MNAT1: variants seen among roughly 807,000 people sequenced by gnomAD.
MNAT1 encodes MNAT1 component of CDK activating kinase, also known as CDK-activating kinase assembly factor MAT1.
In MNAT1, 43 loss-of-function variants were observed where a neutral mutation model predicts 42.0. The ratio of observed to expected loss-of-function variants is 1.02; its 90% CI spans 0.80 to 1.32. The LOEUF (loss-of-function observed/expected upper bound fraction) is 1.32. Ranked by LOEUF, MNAT1 falls within the 40% of genes most tolerant of loss-of-function variation. The pLI is 0.00. For synonymous variants in MNAT1, 118 were observed against 120.0 expected, an observed-to-expected ratio of 0.98 and a Z score of 0.11; for missense variants, 306 against 350.4, an observed-to-expected ratio of 0.87 and a Z score of 1.01.
At chr14:60,814,327 T>G (rs2139357090) in intron 5 of MNAT1, among the ~76,000 whole-genome samples, 1 of 152,302 alleles carries the variant, frequency 6.6e-6, no homozygotes, top group East Asian at 1.9e-4. Flanking sequence ...ATGAAGTGTT[T>G]CATGGATTTA....
intron 1 of MNAT1, among the ~76,000 whole-genome samples, chr14:60,774,882 G>T (rs1227145047): frequency 6.6e-6 from 1 of 152,110 alleles, no homozygotes; most frequent in Non-Finnish European, 1.5e-5. Flanking sequence ...CAAGTATTCT[G>T]CTTTGGACTT....
At chr14:60,799,200 A>G (rs546119050) in intron 3 of MNAT1, 455 of 965,296 alleles carry the variant, frequency 4.7e-4, no homozygotes, top group Non-Finnish European at 5.4e-4. Flanking sequence ...TTTCAGTGCC[A>G]TAAGAGCCAC....
rs150981619 is a variant in MNAT1, at chr14:60,873,801, A to G, written c.688-5913A>G. Reference sequence around the variant, plus strand: ...GCAGATTTTAAAAATAGTTTAGAGCATAATGATCATGTACTTAACATTTTA... The same window carrying G: ...GCAGATTTTAAAAATAGTTTAGAGCGTAATGATCATGTACTTAACATTTTA... On this transcript the variant is annotated intron_variant, in intron 6 of 7. Coordinates refer to ENST00000261245, the MANE Select transcript of MNAT1 (RefSeq NM_002431.4). 3.6e-3 allele frequency among the ~76,000 whole-genome samples: 548 copies of G among 152,284 alleles called. 5 individuals carry two copies. The highest frequency in any genetic ancestry group is 0.012 in the African/African-American group (505 of 41,560).
intron 7 of MNAT1, among the ~76,000 whole-genome samples, chr14:60,929,786 T>G (rs1425876574): frequency 6.6e-6 from 1 of 152,174 alleles, no homozygotes; most frequent in Non-Finnish European, 1.5e-5. Context: ...AAGAAAATTA[T>G]GAGGAAACAT....
chr14:60,836,427 A>G (rs575556924), intron 6 of MNAT1, among the ~76,000 whole-genome samples: 2 of 152,134 alleles, frequency 1.3e-5, no homozygotes, highest in African/African-American at 4.8e-5. Context: ...TTTTGTGTGG[A>G]CATCCTTTTT....
chr14:60,870,556 C>T (rs1313291739), intron 6 of MNAT1, among the ~76,000 whole-genome samples: 1 of 152,078 alleles, frequency 6.6e-6, no homozygotes, highest in Non-Finnish European at 1.5e-5. Flanking sequence ...TATATATTCC[C>T]CCACACCCAT....
At chr14:60,924,500 T>C (rs959686703) in intron 7 of MNAT1, among the ~76,000 whole-genome samples, 2 of 151,956 alleles carry the variant, frequency 1.3e-5, no homozygotes, top group African/African-American at 4.8e-5. Context: ...AAAAATAAAT[T>C]GAGACAGTGG....
chr14:60,780,429 T>G (rs1234670832), intron 1 of MNAT1: 9 of 1,556,454 alleles, frequency 5.8e-6, no homozygotes, highest in African/African-American at 2.7e-5. Context: ...TCTTGTTCAT[T>G]TGATCTGCTG....
chr14:60,833,423 C>T (rs952364650), intron 6 of MNAT1, among the ~76,000 whole-genome samples: 1 of 152,154 alleles, frequency 6.6e-6, no homozygotes, highest in Non-Finnish European at 1.5e-5. Flanking sequence ...TTTTCTGCAT[C>T]TATTGAGAAA....
At chr14:60,958,084 G>A (rs2149305) in intron 7 of MNAT1, among the ~76,000 whole-genome samples, 97,463 of 151,976 alleles carry the variant, frequency 0.64, 31,617 homozygotes, top group Non-Finnish European at 0.69. Flanking sequence ...TGATCTGCCC[G>A]CCTCACCCTC....
At chr14:60,754,295 A>G (rs981585128) in intron 1 of MNAT1, among the ~76,000 whole-genome samples, 11 of 151,532 alleles carry the variant, frequency 7.3e-5, no homozygotes, top group African/African-American at 2.4e-4. Flanking sequence ...AGCTGTACAC[A>G]TATTAGGGAT....
At chr14:60,892,239 G>C (rs1312006709) in intron 7 of MNAT1, among the ~76,000 whole-genome samples, 4 of 152,044 alleles carry the variant, frequency 2.6e-5, no homozygotes, top group Non-Finnish European at 5.9e-5. Context: ...CTATTATTGA[G>C]AGGGGAGTAT....
intron 6 of MNAT1, among the ~76,000 whole-genome samples, chr14:60,854,918 G>A (rs140309407): frequency 2.0e-5 from 3 of 152,288 alleles, no homozygotes; most frequent in African/African-American, 7.2e-5. Flanking sequence ...TGGGCCCATG[G>A]TCACCCCTTC....
In MNAT1 at chr14:60,874,295, C is replaced by T. The variant is rs185524720; in HGVS notation, c.688-5419C>T. ...GTAATTTAAGCTATCTATACTGATTCATTCTCTGCCCACCCTTCTTTCTCC... is the reference window on the plus strand; with the variant it reads ...GTAATTTAAGCTATCTATACTGATTTATTCTCTGCCCACCCTTCTTTCTCC... On this transcript the variant is annotated intron_variant, in intron 6 of 7. Coordinates refer to ENST00000261245, the MANE Select transcript of MNAT1 (RefSeq NM_002431.4). Among the ~76,000 whole-genome samples the T allele has an allele frequency of 2.6e-5, 4 of 152,258 alleles. No homozygotes were observed. In the East Asian group the frequency reaches 7.7e-4, roughly 29 times the overall value.
At chr14:60,768,631 G>A (rs2030930634) in intron 1 of MNAT1, among the ~76,000 whole-genome samples, 1 of 152,178 alleles carries the variant, frequency 6.6e-6, no homozygotes, top group Non-Finnish European at 1.5e-5. Flanking sequence ...TAGGCATAAT[G>A]CTGAATGCTC....
chr14:60,957,590 G>A (rs916972870), intron 7 of MNAT1, among the ~76,000 whole-genome samples: 1 of 152,114 alleles, frequency 6.6e-6, no homozygotes, highest in Non-Finnish European at 1.5e-5. Context: ...AATTCAAGAT[G>A]AAAATTTGGG....
chr14:60,748,589 A>T (rs894466754), intron 1 of MNAT1, among the ~76,000 whole-genome samples: 1 of 150,530 alleles, frequency 6.6e-6, no homozygotes, highest in African/African-American at 2.5e-5. Context: ...AAACCTACAC[A>T]TTAGCACATA....
intron 6 of MNAT1, among the ~76,000 whole-genome samples, chr14:60,860,806 G>A (rs934460869): frequency 6.6e-6 from 1 of 152,088 alleles, no homozygotes; most frequent in African/African-American, 2.4e-5. Context: ...TGTTCTTGCT[G>A]GTGAGAAGAT....
chr14:60,865,175 C>T (rs2139439733), intron 6 of MNAT1, among the ~76,000 whole-genome samples: 1 of 152,074 alleles, frequency 6.6e-6, no homozygotes, highest in East Asian at 1.9e-4. Flanking sequence ...AAAGAAACTT[C>T]TATCTTTTCA....
Sources: gnomAD v4.1 joint callset for allele counts (sites outside exome capture counted in the v4.1 genomes callset) on GRCh38, gnomAD v4.1.1 for gene constraint, MANE v1.5 for transcripts, NCBI Gene and HGNC (gene_info 2026-07-23, HGNC 2026-07-21) for gene names.